Variants in TNFSF4 observed in about 807,000 individuals in gnomAD.
The protein encoded by TNFSF4 is tumor necrosis factor ligand superfamily member 4.
A neutral mutation model predicts 7.3 loss-of-function variants in TNFSF4; 4 were observed. That is an observed-to-expected ratio of 0.55 (90% confidence interval 0.27 to 1.25). The LOEUF is 1.25. Ranked by LOEUF, TNFSF4 falls within the 50% of genes most tolerant of loss-of-function variation. The pLI is 0.12. For synonymous variants in TNFSF4, 76 were observed against 83.7 expected (o/e 0.91, Z 0.50); for missense variants, 181 against 208.8 (o/e 0.87, Z 0.82).
At chr1:173,263,659 C>T in the TNFSF4 span, among the ~76,000 whole-genome samples, 3 of 152,326 alleles carry the variant, frequency 2.0e-5, no homozygotes, top group South Asian at 6.2e-4. Flanking sequence ...GTTACTCTGT[C>T]ATGGAGAAAC....
At chr1:173,267,892 AG>A in the TNFSF4 span, among the ~76,000 whole-genome samples, 3 of 77,656 alleles carry the variant, frequency 3.9e-5, no homozygotes, top group African/African-American at 1.3e-4. Flanking sequence ...AGAGGAGAGC[AG>A]AGGAGAGGAG....
chr1:173,188,941 G>C (rs927812583), intron 1 of TNFSF4, among the ~76,000 whole-genome samples: 1 of 152,058 alleles, frequency 6.6e-6, no homozygotes, highest in Non-Finnish European at 1.5e-5. Flanking sequence ...GCCCAGGCTG[G>C]TCTCAAACTC....
upstream of TNFSF4, among the ~76,000 whole-genome samples, chr1:173,210,734 GA>G (rs928736425): frequency 9.9e-5 from 15 of 152,148 alleles, 1 homozygote; most frequent in East Asian, 3.9e-4. Flanking sequence ...CTAGGGGGGG[GA>G]AAAGAGACAG....
intron 1 of TNFSF4, among the ~76,000 whole-genome samples, chr1:173,204,290 T>G (rs951749107): frequency 1.3e-5 from 2 of 152,214 alleles, no homozygotes; most frequent in Non-Finnish European, 2.9e-5. Flanking sequence ...TCCTACTTTC[T>G]CATAATACAG....
downstream of TNFSF4, among the ~76,000 whole-genome samples, chr1:173,179,859 T>A (rs1317307971): frequency 6.6e-6 from 1 of 152,220 alleles, no homozygotes; most frequent in Non-Finnish European, 1.5e-5. Flanking sequence ...CGCCTTCATT[T>A]CTAAAATTGG....
At chr1:173,373,794 A>G in the TNFSF4 span, among the ~76,000 whole-genome samples, 1 of 152,208 alleles carries the variant, frequency 6.6e-6, no homozygotes, top group Non-Finnish European at 1.5e-5. Context: ...CACCTTTACA[A>G]ATTGCATAGA....
chr1:173,359,510 T>TAAAAAAAAAAAAAAAAAAAA, the TNFSF4 span, among the ~76,000 whole-genome samples: 1 of 122,748 alleles, frequency 8.1e-6, no homozygotes, highest in African/African-American at 3.2e-5. Flanking sequence ...TTACCAGCTG[T>TAAAAAAAAAAAAAAAAAAAA]AAAAAAAAAA....
the TNFSF4 span, among the ~76,000 whole-genome samples, chr1:173,250,545 C>T: frequency 1.3e-5 from 2 of 151,766 alleles, no homozygotes; most frequent in South Asian, 4.2e-4. Context: ...CTGCAAGCTC[C>T]GCCTCCCGGG....
the TNFSF4 span, among the ~76,000 whole-genome samples, chr1:173,381,957 T>C: frequency 6.6e-6 from 1 of 152,106 alleles, no homozygotes; most frequent in Non-Finnish European, 1.5e-5. Context: ...CAGTGCTCTG[T>C]GAAATGGACC....
the TNFSF4 span, among the ~76,000 whole-genome samples, chr1:173,292,067 G>A: frequency 6.6e-6 from 1 of 151,010 alleles, no homozygotes; most frequent in African/African-American, 2.4e-5. Context: ...ATAAAGAAGA[G>A]CTAGTATCAA....
the TNFSF4 span, among the ~76,000 whole-genome samples, chr1:173,343,630 T>A: frequency 6.6e-6 from 1 of 152,190 alleles, no homozygotes; most frequent in Admixed American, 6.5e-5. Context: ...CCTCCCCAAA[T>A]TGGATAAGAG....
the TNFSF4 span, among the ~76,000 whole-genome samples, chr1:173,233,163 C>T: frequency 5.3e-5 from 8 of 152,168 alleles, no homozygotes; most frequent in African/African-American, 9.6e-5. Context: ...AACCATGGCA[C>T]GAGAACTACA....
the TNFSF4 span, among the ~76,000 whole-genome samples, chr1:173,399,286 A>G: frequency 2.0e-5 from 3 of 152,190 alleles, no homozygotes; most frequent in African/African-American, 7.2e-5. Flanking sequence ...GCTGACAGAT[A>G]AGAAGACCCA....
At chr1:173,187,054 CAA>C (rs1175157623) in intron 2 of TNFSF4, among the ~76,000 whole-genome samples, 189 bp from the exon 3 acceptor site, 1 of 126,138 alleles carries the variant, frequency 7.9e-6, no homozygotes. Flanking sequence ...CTGTCTCAAA[CAA>C]AAAAAAAAAA....
the TNFSF4 span, among the ~76,000 whole-genome samples, chr1:173,300,164 C>G: frequency 5.5e-5 from 7 of 127,892 alleles, no homozygotes; most frequent in Non-Finnish European, 1.1e-4. Flanking sequence ...TTGATAGATA[C>G]ATACATACAT....
the TNFSF4 span, among the ~76,000 whole-genome samples, chr1:173,178,091 A>G: frequency 6.6e-6 from 1 of 152,162 alleles, no homozygotes; most frequent in East Asian, 1.9e-4. Flanking sequence ...TACCCACATT[A>G]CCAGAGGATA....
At chr1:173,326,998 A>G in the TNFSF4 span, among the ~76,000 whole-genome samples, 3 of 152,348 alleles carry the variant, frequency 2.0e-5, no homozygotes, top group Non-Finnish European at 4.4e-5. Flanking sequence ...GACTTTCTTC[A>G]CAGAATTGAA....
At chr1:173,293,036 G>T in the TNFSF4 span, among the ~76,000 whole-genome samples, 405 of 152,172 alleles carry the variant, frequency 2.7e-3, 2 homozygotes, top group African/African-American at 9.4e-3. Context: ...TGGATAGGAA[G>T]AATCAGTATT....
chr1:173,255,771 C>T, the TNFSF4 span, among the ~76,000 whole-genome samples: 1 of 152,218 alleles, frequency 6.6e-6, no homozygotes, highest in Non-Finnish European at 1.5e-5. Flanking sequence ...CATCTCTTTG[C>T]TTTGCTTTGT....
Sources: allele counts gnomAD v4.1 joint callset (sites outside exome capture counted in the v4.1 genomes callset), GRCh38; gene constraint gnomAD v4.1.1; transcripts MANE v1.5; gene names NCBI Gene and HGNC (gene_info 2026-07-23, HGNC 2026-07-21).